IQUB: variants seen among roughly 807,000 people sequenced by gnomAD.
IQUB encodes the protein IQ motif and ubiquitin-like domain-containing protein.
IQUB carries 86 observed loss-of-function variants against 86.4 expected under a neutral mutation model. The ratio of observed to expected loss-of-function variants is 1.00; its 90% confidence interval spans 0.84 to 1.19. IQUB has a LOEUF of 1.19. IQUB is among the 50% of genes most tolerant of loss of function. The pLI, the probability that IQUB is intolerant of heterozygous loss-of-function variation, is 0.00. For missense variants in IQUB, 946 were observed against 916.9 expected, an observed-to-expected ratio of 1.03 and a Z score of -0.41; for synonymous variants, 289 against 304.5, an observed-to-expected ratio of 0.95 and a Z score of 0.53.
chr7:123,521,286 C>T (rs373482415), intron 1 of IQUB, among the ~76,000 whole-genome samples: 15 of 152,192 alleles, frequency 9.9e-5, no homozygotes, highest in South Asian at 8.3e-4. Flanking sequence ...ATATTTATTT[C>T]ACCCTAATTT....
chr7:123,516,087 G>A (rs1796623891), intron 1 of IQUB, among the ~76,000 whole-genome samples: 1 of 152,078 alleles, frequency 6.6e-6, no homozygotes, highest in Non-Finnish European at 1.5e-5. Context: ...TTACTAGAAA[G>A]ATGACAAAAA....
At chr7:123,513,083 T>C (rs1027897635) in intron 1 of IQUB, among the ~76,000 whole-genome samples, 7 of 152,086 alleles carry the variant, frequency 4.6e-5, no homozygotes, top group Non-Finnish European at 8.8e-5. Flanking sequence ...CAGACCAGAT[T>C]TCTATGGCAA....
chr7:123,523,654 G>A (rs1797024387), intron 1 of IQUB, among the ~76,000 whole-genome samples: 1 of 151,580 alleles, frequency 6.6e-6, no homozygotes, highest in South Asian at 2.1e-4. Context: ...TTTGTAGGTT[G>A]CCTGTTCACT....
At chr7:123,529,226 C>T (rs1359351059) in intron 1 of IQUB, among the ~76,000 whole-genome samples, 4 of 151,994 alleles carry the variant, frequency 2.6e-5, no homozygotes, top group African/African-American at 7.2e-5. Flanking sequence ...TATAAAGCTA[C>T]AATTATATAA....
At position 123,452,961 on chromosome 7, in the gene IQUB, C is replaced by CAGAT. The variant is rs571713255; in HGVS notation, c.2194-40_2194-37dup. On this transcript the variant is annotated intron_variant, in intron 12 of 12. Coordinates refer to ENST00000324698, the MANE Select transcript of IQUB (RefSeq NM_178827.5). ...AAAAATCAAATTCTAGTAAATATCACAGATATATTTTGCCAGGTAAAAATA... is the reference window on the plus strand; with the variant it reads ...AAAAATCAAATTCTAGTAAATATCACAGATAGATATATTTTGCCAGGTAAAAATA... 222 of 1,536,018 alleles carry CAGAT rather than the reference C, an allele frequency of 1.4e-4. 2 individuals are homozygous for CAGAT. The African/African-American group carries it at 2.6e-3, about 18-fold the overall frequency.
chr7:123,510,686 A>C (rs1796377501), intron 2 of IQUB, among the ~76,000 whole-genome samples: 1 of 152,072 alleles, frequency 6.6e-6, no homozygotes. Context: ...TAGATTCCTG[A>C]AATTACAGTT....
intron 8 of IQUB, among the ~76,000 whole-genome samples, chr7:123,471,328 T>A (rs1362483288): frequency 2.0e-5 from 3 of 152,124 alleles, no homozygotes; most frequent in Non-Finnish European, 4.4e-5. Context: ...GGCCTCAGAG[T>A]GTTACTGAAG....
At chr7:123,457,924 T>C (rs1466088904) in intron 11 of IQUB, 3 of 178,116 alleles carry the variant, frequency 1.7e-5, no homozygotes, top group African/African-American at 7.2e-5. Context: ...TTCAGGGCCA[T>C]TGTAGGGACC....
At chr7:123,488,103 T>C (rs906956510) in intron 7 of IQUB, among the ~76,000 whole-genome samples, 2 of 151,860 alleles carry the variant, frequency 1.3e-5, no homozygotes, top group Admixed American at 6.6e-5. Context: ...CCCAGCACTT[T>C]GGGAGGCCGA....
rs563210794 is a variant in IQUB, at chr7:123,463,598, C to T, written c.1758+1235G>A. ...AATAGATAAAACTATAAAAATAAAA[C>T]ACATATCAGTGTTTGCCAAGGATTG... On this transcript the variant is annotated intron_variant, in intron 10 of 12. Coordinates refer to ENST00000324698, the MANE Select transcript of IQUB (RefSeq NM_178827.5). Among the ~76,000 whole-genome samples the T allele has an allele frequency of 4.6e-4, 70 of 151,714 alleles. No individual in the cohort carries two copies. In the South Asian group the frequency reaches 0.014, roughly 31 times the overall value.
At chr7:123,515,347 T>C (rs1332919745) in intron 1 of IQUB, among the ~76,000 whole-genome samples, 1 of 152,154 alleles carries the variant, frequency 6.6e-6, no homozygotes, top group Non-Finnish European at 1.5e-5. Flanking sequence ...AGACAAATCA[T>C]AGACTGGAAG....
intron 1 of IQUB, among the ~76,000 whole-genome samples, chr7:123,522,163 T>C (rs1023803946): frequency 2.0e-5 from 3 of 152,098 alleles, no homozygotes; most frequent in African/African-American, 7.2e-5. Flanking sequence ...ATAAACTCTT[T>C]CCCCAAAACA....
intron 1 of IQUB, among the ~76,000 whole-genome samples, chr7:123,522,471 T>G (rs1371535144): frequency 1.3e-5 from 2 of 152,226 alleles, no homozygotes; most frequent in African/African-American, 2.4e-5. Flanking sequence ...TATTCCACAC[T>G]TGTGAAATGG....
At chr7:123,506,559 A>T (rs1723904628) in intron 3 of IQUB, among the ~76,000 whole-genome samples, 1 of 152,126 alleles carries the variant, frequency 6.6e-6, no homozygotes, top group Admixed American at 6.6e-5. Flanking sequence ...AGCAGGGGGA[A>T]GAGAGCAAAG....
At position 123,452,719 on chromosome 7, in the gene IQUB, A is replaced by T. The variant is rs773825821; in HGVS notation, c.*24T>A. 1 of 1,576,112 alleles carries T rather than the reference A, an allele frequency of 6.3e-7. No individual in the cohort carries two copies. The highest frequency in any genetic ancestry group is 8.7e-7 in the Non-Finnish European group (1 of 1,151,690). On this transcript the variant is annotated 3_prime_UTR_variant, in exon 13 of 13. Coordinates refer to ENST00000324698, the MANE Select transcript of IQUB (RefSeq NM_178827.5). ...ATTAGCAGTGAACAAAATGCCGATC[A>T]TCAAACAAATACTCCTGGATCACCT... is the stretch of plus-strand genomic sequence containing the variant.
In IQUB at chr7:123,510,763, G is replaced by A. The variant is rs537285843; in HGVS notation, c.398-728C>T. 3.3e-5 allele frequency among the ~76,000 whole-genome samples: 5 copies of A among 152,180 alleles called. No homozygotes were observed. In the South Asian group the frequency reaches 6.2e-4, roughly 19 times the overall value. On this transcript the variant is annotated intron_variant, in intron 2 of 12. Coordinates refer to ENST00000324698, the MANE Select transcript of IQUB (RefSeq NM_178827.5). ...AAATTTAAGTAGGCATTGGTAATGC[G>A]AAGGTTCTTTGAGCTTGTTAAAACT... is the stretch of plus-strand genomic sequence containing the variant.
intron 1 of IQUB, among the ~76,000 whole-genome samples, chr7:123,525,125 G>A (rs1156956483): frequency 6.6e-6 from 1 of 152,076 alleles, no homozygotes; most frequent in Admixed American, 6.6e-5. Context: ...GAAGATTTTT[G>A]CATCAATGTT....
At chr7:123,467,162 A>G (rs912240233) in intron 9 of IQUB, among the ~76,000 whole-genome samples, 2 of 151,890 alleles carry the variant, frequency 1.3e-5, no homozygotes, top group Non-Finnish European at 2.9e-5. Context: ...ACCATAATGT[A>G]AGCTCAATAT....
intron 1 of IQUB, among the ~76,000 whole-genome samples, chr7:123,515,246 C>T (rs1796591635): frequency 6.6e-6 from 1 of 152,080 alleles, no homozygotes; most frequent in African/African-American, 2.4e-5. Context: ...GCCAACACCC[C>T]AAACTAGCCA....
Sources: allele counts gnomAD v4.1 joint callset (sites outside exome capture counted in the v4.1 genomes callset), GRCh38; gene constraint gnomAD v4.1.1; transcripts MANE v1.5; gene names NCBI Gene and HGNC (gene_info 2026-07-23, HGNC 2026-07-21).